IL9: variants seen among roughly 807,000 people sequenced by gnomAD.
IL9 encodes interleukin-9.
In IL9, 16 loss-of-function variants were observed where a neutral mutation model predicts 12.9. The ratio of observed to expected loss-of-function variants is 1.24; its 90% CI spans 0.84 to 1.88. The LOEUF is 1.88. Among genes scored for constraint, IL9 ranks in the 40% most tolerant of loss-of-function variants. The pLI is 0.00. For missense variants in IL9, 170 were observed against 173.1 expected, an observed-to-expected ratio of 0.98 and a Z score of 0.10; for synonymous variants, 69 against 63.8, an observed-to-expected ratio of 1.08 and a Z score of -0.39.
intron 3 of IL9, among the ~76,000 whole-genome samples, chr5:135,894,521 A>G (rs936202836): frequency 6.6e-5 from 10 of 152,214 alleles, no homozygotes; most frequent in African/African-American, 2.4e-4. Context: ...GGATGTGACA[A>G]TTGAATGCAG....
chr5:135,895,470 C>A lies in IL9; in HGVS notation c.153G>T (p.Val51=). 1.2e-6 allele frequency: 2 copies of A among 1,613,950 alleles called. No individual in the cohort carries two copies. Among genetic ancestry groups the A allele is most frequent in the South Asian group, 2.2e-5 (2 of 90,998 alleles). ...PASKCHCSAN[V]TSCLCLGIPS... ...GAATGCCCAAACAGAGACAACTGGTCACCTGCAAGGGAAATTTCAGAGTGA... is the reference window on the plus strand; with the variant it reads ...GAATGCCCAAACAGAGACAACTGGTAACCTGCAAGGGAAATTTCAGAGTGA... The change falls in exon 3 of 5, where the codon GTG becomes GTT. Residue 51 remains valine, a splice_region_variant and synonymous_variant. Transcript: ENST00000274520.
At chr5:135,895,648 A>G in intron 1 of IL9, 55 bp downstream of exon 1, 1 of 1,606,820 alleles carries the variant, frequency 6.2e-7, no homozygotes, top group Non-Finnish European at 8.5e-7. Context: ...TCATCCTCAT[A>G]CATATTTCAC....
chr5:135,894,970 G>C (rs1762921112), intron 3 of IL9, among the ~76,000 whole-genome samples: 1 of 152,192 alleles, frequency 6.6e-6, no homozygotes, highest in Admixed American at 6.5e-5. Context: ...GAGGCAGGGA[G>C]GGGGAGGTAT....
At chr5:135,892,876 T>C (rs1762892366) in intron 4 of IL9, among the ~76,000 whole-genome samples, 1 of 152,108 alleles carries the variant, frequency 6.6e-6, no homozygotes, top group African/African-American at 2.4e-5. Context: ...AGGTTGTCTT[T>C]CCAAGGTCAT....
chr5:135,892,733 T>TAC (rs59978451), intron 4 of IL9, among the ~76,000 whole-genome samples: 25,919 of 137,514 alleles, frequency 0.19, 2,373 homozygotes, highest in East Asian at 0.29. Context: ...CAGGGGTCTT[T>TAC]ACACACACAC....
intron 3 of IL9, 54 bp downstream of exon 3, chr5:135,895,385 TA>T: frequency 6.7e-7 from 1 of 1,486,940 alleles, no homozygotes; most frequent in Non-Finnish European, 9.2e-7. Context: ...TATTTTTACT[TA>T]AAAACAAACC....
At chr5:135,893,991 G>C (rs1402100527) in intron 4 of IL9, 29 bp downstream of exon 4, 1 of 1,595,146 alleles carries the variant, frequency 6.3e-7, no homozygotes, top group Non-Finnish European at 8.5e-7. Flanking sequence ...TCACCAACAG[G>C]AACATATCAC....
chr5:135,892,279 C>CA lies in IL9; in HGVS notation c.*111dup. ...CAAAATAAAGACATACAATGTTAAA[C>CA]AAATAATCACAACTGATACTGATTT... On this transcript the variant is annotated 3_prime_UTR_variant, in exon 5 of 5. Coordinates refer to ENST00000274520, the MANE Select transcript of IL9 (RefSeq NM_000590.2). The CA allele has an allele frequency of 1.3e-6, 1 of 790,602 alleles. No homozygotes were observed. The highest frequency in any genetic ancestry group is 3.1e-5 in the Admixed American group (1 of 32,732). The allele number at this position is 790,602 out of a possible 1,614,324, so 49.0% of individuals were successfully genotyped here.
At position 135,894,196 on chromosome 5, in the gene IL9, G is replaced by C. The variant is rs1466066393; in HGVS notation, c.184-45C>G. 7 of 1,573,478 alleles carry C rather than the reference G, an allele frequency of 4.4e-6. No homozygotes were observed. The African/African-American group carries it at 9.5e-5, about 21-fold the overall frequency. On this transcript the variant is annotated intron_variant, in intron 3 of 4. Transcript: ENST00000274520. Reference sequence around the variant, plus strand: ...TATTCAAAGAAATATTCTGAGGACAGCTTTGGAAATATATCACAAAGAGCA... The same window carrying C: ...TATTCAAAGAAATATTCTGAGGACACCTTTGGAAATATATCACAAAGAGCA...
In IL9 at chr5:135,895,772, G is replaced by A. The variant is rs569600530; in HGVS notation, c.45C>T (p.Ser15=). The change falls in exon 1 of 5, where the codon TCC becomes TCT. Residue 15 remains serine (S), a synonymous_variant. Coordinates refer to ENST00000274520, the MANE Select transcript of IL9 (RefSeq NM_000590.2). ...AGGTTGGACACCCCTGGCCTGCCAC[G>A]GAGCACAGGAGCAGGGCAGAGGTAA... The part of the protein sequence containing the change: ...MVLTSALLLC[S]VAGQGCPTLA... The A allele has an allele frequency of 9.0e-5, 146 of 1,614,062 alleles. No individual in the cohort carries two copies. The South Asian group carries it at 9.9e-4, about 11-fold the overall frequency.
intron 3 of IL9, among the ~76,000 whole-genome samples, chr5:135,895,111 C>A (rs1762922836): frequency 6.6e-6 from 1 of 152,098 alleles, no homozygotes; most frequent in Admixed American, 6.5e-5. Context: ...TTATTATATC[C>A]TTAGTTCCAG....
intron 1 of IL9, 45 bp from the exon 2 acceptor site, chr5:135,895,635 T>G: frequency 6.2e-7 from 1 of 1,612,156 alleles, no homozygotes; most frequent in East Asian, 2.2e-5. Flanking sequence ...GCCCCGAGTT[T>G]TTTCATCCTC....
At chr5:135,894,302 A>G in intron 3 of IL9, 151 bp from the exon 4 acceptor site, 2 of 741,864 alleles carry the variant, frequency 2.7e-6, no homozygotes, top group Non-Finnish European at 4.3e-6. Flanking sequence ...CAATGTAGGA[A>G]GTGATCTCCC....
chr5:135,895,186 GAA>G (rs1762923335), intron 3 of IL9, among the ~76,000 whole-genome samples: 1 of 152,028 alleles, frequency 6.6e-6, no homozygotes, highest in Admixed American at 6.5e-5. Flanking sequence ...TTTTAATGTT[GAA>G]AAGTGTTCAA....
chr5:135,895,698 C>T lies in IL9; in HGVS notation c.114+5G>A. ...TCTTTCCCATGGGCTCCCCCTGCAG[C>T]CTACCTGCATCTTGTTGATGAGGAA... On this transcript the variant is annotated splice_donor_5th_base_variant and intron_variant, in intron 1 of 4. Coordinates refer to ENST00000274520, the MANE Select transcript of IL9 (RefSeq NM_000590.2). 1.2e-6 allele frequency: 2 copies of T among 1,611,214 alleles called. No individual in the cohort carries two copies. Among genetic ancestry groups the T allele is most frequent in the African/African-American group, 1.3e-5 (1 of 74,984 alleles).
Position 135,895,564 on chromosome 5 carries a change from G to A in IL9, c.141C>T (p.Cys47=), listed in dbSNP as rs1399397594. ...MQEDPASKCH[C]SANVTSCLCL... The stretch of plus-strand genomic sequence containing the variant: ...AAGAGCATTCACTCACATTAGCACT[G>A]CAGTGGCACTTGGAAGCTGGATCTT... The change falls in exon 2 of 5, where the codon TGC becomes TGT. Residue 47 remains cysteine (C), a synonymous_variant. Coordinates refer to ENST00000274520, the MANE Select transcript of IL9 (RefSeq NM_000590.2). 5 of 1,613,894 alleles carry A rather than the reference G, an allele frequency of 3.1e-6. 1 individual carries two copies. In the South Asian group the frequency reaches 3.3e-5, roughly 11 times the overall value.
Position 135,892,299 on chromosome 5 carries a change from T to C in IL9, c.*92A>G. The C allele has an allele frequency of 1.1e-6, 1 of 933,088 alleles. No homozygotes were observed. The highest frequency in any genetic ancestry group is 1.6e-6 in the Non-Finnish European group (1 of 633,990). The allele number at this position is 933,088 out of a possible 1,614,324, so 57.8% of individuals were successfully genotyped here. On this transcript the variant is annotated 3_prime_UTR_variant, in exon 5 of 5. Coordinates refer to ENST00000274520, the MANE Select transcript of IL9 (RefSeq NM_000590.2). Reference sequence around the variant, plus strand: ...TTAAACAAATAATCACAACTGATACTGATTTAGAGTAGCTTACTTGATTTT... The same window carrying C: ...TTAAACAAATAATCACAACTGATACCGATTTAGAGTAGCTTACTTGATTTT...
At chr5:135,894,248 T>A (rs1311240333) in intron 3 of IL9, 97 bp from the exon 4 acceptor site, 1 of 1,163,508 alleles carries the variant, frequency 8.6e-7, no homozygotes, top group African/African-American at 1.6e-5. Context: ...TTTTATTTAA[T>A]CACCATTACT....
chr5:135,895,780 G>A lies in IL9; in HGVS notation c.37C>T (p.Leu13=), dbSNP rs868627777. 2.5e-6 allele frequency: 4 copies of A among 1,614,078 alleles called. No homozygotes were observed. Among genetic ancestry groups the A allele is most frequent in the African/African-American group, 1.3e-5 (1 of 75,054 alleles). ...LAMVLTSALL[L]CSVAGQGCPT... ...CACCCCTGGCCTGCCACGGAGCACA[G>A]GAGCAGGGCAGAGGTAAGGACCATG... The change falls in exon 1 of 5, where the codon CTG becomes TTG. Residue 13 remains leucine (L), a synonymous_variant. Coordinates refer to ENST00000274520, the MANE Select transcript of IL9 (RefSeq NM_000590.2).
Sources: allele counts gnomAD v4.1 joint callset (sites outside exome capture counted in the v4.1 genomes callset), GRCh38; gene constraint gnomAD v4.1.1; transcripts MANE v1.5; gene names NCBI Gene and HGNC (gene_info 2026-07-23, HGNC 2026-07-21).